ZNF385D: variants seen among roughly 807,000 people sequenced by gnomAD.
The protein encoded by ZNF385D is zinc finger protein 385D, also known as zinc finger protein 659.
In ZNF385D, 15 loss-of-function variants were observed where a neutral mutation model predicts 35.8. The observed-to-expected ratio is 0.42, with a 90% confidence interval of 0.28 to 0.64. The LOEUF (loss-of-function observed/expected upper bound fraction) is 0.64. Ranked by LOEUF, ZNF385D falls within the 30% of genes least tolerant of loss-of-function variation. The pLI is 0.23. For synonymous variants in ZNF385D, 212 were observed against 186.8 expected (o/e 1.13, Z -1.10); for missense variants, 474 against 494.6 (o/e 0.96, Z 0.39).
chr3:21,614,897 A>G (rs1359222711), intron 2 of ZNF385D, among the ~76,000 whole-genome samples: 2 of 152,148 alleles, frequency 1.3e-5, no homozygotes, highest in African/African-American at 4.8e-5. Flanking sequence ...CCTGAAGTAC[A>G]GTTTTATCAG....
chr3:21,923,897 T>A (rs1223257977), intron 3 of ZNF385D, among the ~76,000 whole-genome samples: 1 of 152,160 alleles, frequency 6.6e-6, no homozygotes, highest in Non-Finnish European at 1.5e-5. Context: ...CAGTATCACA[T>A]AATGTGCCCA....
At position 21,436,820 on chromosome 3, in the gene ZNF385D, G is replaced by A. The variant is rs375000435; in HGVS notation, c.673+150C>T. 7.2e-5 allele frequency: 57 copies of A among 796,066 alleles called. 1 individual carries two copies. Among genetic ancestry groups the A allele is most frequent in the South Asian group, 7.0e-4 (37 of 52,674 alleles). 49.3% of individuals were successfully genotyped at this position (796,066 alleles called of 1,614,324 possible). A position where few individuals can be genotyped will look rare whatever the true frequency, so the allele number is the denominator to read the frequency against. On this transcript the variant is annotated intron_variant, in intron 5 of 7. Coordinates refer to ENST00000281523, the MANE Select transcript of ZNF385D (RefSeq NM_024697.3). ...CCCCTATATAAATGACACTTTGCTC[G>A]TCATTTTTATTTTTTAATGGTTAAT...
chr3:22,093,266 C>T (rs1341745212), intron 3 of ZNF385D, among the ~76,000 whole-genome samples: 2 of 151,958 alleles, frequency 1.3e-5, no homozygotes, highest in Admixed American at 6.6e-5. Context: ...GTAAACCCAA[C>T]ATCTAAAACT....
At chr3:21,883,669 T>G (rs1698394042) in intron 3 of ZNF385D, among the ~76,000 whole-genome samples, 1 of 152,074 alleles carries the variant, frequency 6.6e-6, no homozygotes, top group Non-Finnish European at 1.5e-5. Flanking sequence ...TGCACGATGC[T>G]GCCTGCACAG....
chr3:21,968,826 G>A (rs1457874152), intron 3 of ZNF385D, among the ~76,000 whole-genome samples: 3 of 152,134 alleles, frequency 2.0e-5, no homozygotes, highest in Non-Finnish European at 4.4e-5. Flanking sequence ...GACTCCTTTT[G>A]CTTAAGGAAA....
intron 3 of ZNF385D, among the ~76,000 whole-genome samples, chr3:21,983,525 TG>T (rs1334831642): frequency 6.9e-6 from 1 of 144,378 alleles, no homozygotes; most frequent in African/African-American, 2.6e-5. Context: ...TAGTATTCCA[TG>T]GTGTATATGT....
At chr3:21,835,441 C>T (rs1695271581) in intron 3 of ZNF385D, among the ~76,000 whole-genome samples, 1 of 151,580 alleles carries the variant, frequency 6.6e-6, no homozygotes, top group African/African-American at 2.4e-5. Flanking sequence ...GGACAATGTT[C>T]CCTGCTGAAA....
intron 3 of ZNF385D, among the ~76,000 whole-genome samples, chr3:21,887,252 A>G (rs1171482018): frequency 6.6e-6 from 1 of 152,194 alleles, no homozygotes; most frequent in Non-Finnish European, 1.5e-5. Flanking sequence ...TTAGTCTTAA[A>G]TAGTTTGTTT....
chr3:22,275,600 A>G (rs1208692009), intron 2 of ZNF385D, among the ~76,000 whole-genome samples: 1 of 152,272 alleles, frequency 6.6e-6, no homozygotes, highest in East Asian at 1.9e-4. Context: ...ATTCTTATCT[A>G]AAAGAATCAT....
intron 2 of ZNF385D, among the ~76,000 whole-genome samples, chr3:21,620,518 A>G (rs764222320): frequency 2.6e-5 from 4 of 152,144 alleles, no homozygotes; most frequent in Non-Finnish European, 4.4e-5. Flanking sequence ...CCTTCAATGC[A>G]GACTGGGATT....
At chr3:22,068,247 C>G (rs1157119946) in intron 3 of ZNF385D, among the ~76,000 whole-genome samples, 1 of 152,150 alleles carries the variant, frequency 6.6e-6, no homozygotes, top group African/African-American at 2.4e-5. Context: ...CACTGTGATG[C>G]TAATTCTATT....
chr3:22,261,326 A>G (rs1243590366), intron 2 of ZNF385D, among the ~76,000 whole-genome samples: 1 of 152,048 alleles, frequency 6.6e-6, no homozygotes, highest in Non-Finnish European at 1.5e-5. Context: ...ATAATATAAG[A>G]AAAATAATTT....
At chr3:22,272,446 A>G (rs76760842) in intron 2 of ZNF385D, among the ~76,000 whole-genome samples, 4,012 of 152,072 alleles carry the variant, frequency 0.026, 94 homozygotes, top group African/African-American at 0.062. Flanking sequence ...AGAAATATAT[A>G]TGTTGACTGA....
intron 2 of ZNF385D, among the ~76,000 whole-genome samples, chr3:21,584,730 C>A (rs1370163194): frequency 6.6e-6 from 1 of 152,046 alleles, no homozygotes; most frequent in Non-Finnish European, 1.5e-5. Context: ...TTTTCCTCTT[C>A]TTAGTCATCA....
At chr3:21,742,558 A>G (rs2069568736) in intron 1 of ZNF385D, among the ~76,000 whole-genome samples, 1 of 152,202 alleles carries the variant, frequency 6.6e-6, no homozygotes, top group South Asian at 2.1e-4. Context: ...GCCTCGGCTC[A>G]GTTCTACCAA....
chr3:22,281,464 A>G (rs1365136584), intron 2 of ZNF385D, among the ~76,000 whole-genome samples: 2 of 152,052 alleles, frequency 1.3e-5, no homozygotes, highest in African/African-American at 4.8e-5. Context: ...GGATTTTGTC[A>G]AAGGCTTTTT....
At chr3:22,015,305 C>A (rs1050073179) in intron 3 of ZNF385D, among the ~76,000 whole-genome samples, 2 of 152,098 alleles carry the variant, frequency 1.3e-5, no homozygotes, top group African/African-American at 2.4e-5. Context: ...TGCAAACATG[C>A]GCATTGCACT....
intron 3 of ZNF385D, among the ~76,000 whole-genome samples, chr3:21,882,345 GAA>G (rs1462123295): frequency 2.6e-5 from 4 of 151,956 alleles, no homozygotes; most frequent in Non-Finnish European, 5.9e-5. Flanking sequence ...TTCCACCAAC[GAA>G]AAGATTATGA....
chr3:21,669,330 C>T (rs2066493158), intron 1 of ZNF385D, among the ~76,000 whole-genome samples: 1 of 152,106 alleles, frequency 6.6e-6, no homozygotes, highest in Non-Finnish European at 1.5e-5. Flanking sequence ...ATTCTTCTCC[C>T]TCCTTTTTTG....
Sources: allele counts gnomAD v4.1 joint callset (sites outside exome capture counted in the v4.1 genomes callset), GRCh38; gene constraint gnomAD v4.1.1; transcripts MANE v1.5; gene names NCBI Gene and HGNC (gene_info 2026-07-23, HGNC 2026-07-21).